The following ESRRG variants were observed in gnomAD, a reference collection of about 807,000 sequenced individuals.
ESRRG encodes the protein estrogen-related receptor gamma.
Under a neutral mutation model 44.0 loss-of-function variants are expected in ESRRG, and 13 were observed. That is an observed-to-expected ratio of 0.30 (90% CI 0.19 to 0.47). The LOEUF (loss-of-function observed/expected upper bound fraction) is 0.47, where lower values mean the gene tolerates loss of function less well. Among genes scored for constraint, ESRRG ranks in the 20% least tolerant of loss-of-function variants. The pLI is 1.00. For synonymous variants in ESRRG, 215 were observed against 214.6 expected, an observed-to-expected ratio of 1.00 and a Z score of -0.02; for missense variants, 395 against 580.6, an observed-to-expected ratio of 0.68 and a Z score of 3.29.
chr1:216,917,509 G>T (rs1204561640), intron 2 of ESRRG, among the ~76,000 whole-genome samples: 1 of 152,282 alleles, frequency 6.6e-6, no homozygotes, highest in Non-Finnish European at 1.5e-5. Flanking sequence ...AATGTGATGT[G>T]GTTAGCACAG....
chr1:217,038,220 G>T (rs2151096589), intron 1 of ESRRG, among the ~76,000 whole-genome samples: 2 of 152,334 alleles, frequency 1.3e-5, no homozygotes, highest in South Asian at 4.1e-4. Flanking sequence ...CTTTGTCATT[G>T]CCCTAGCAGA....
At chr1:217,137,493 C>G (rs563234827) in intron 1 of ESRRG, among the ~76,000 whole-genome samples, 1 of 152,214 alleles carries the variant, frequency 6.6e-6, no homozygotes, top group Non-Finnish European at 1.5e-5. Flanking sequence ...GCCTGGGGCT[C>G]GAGAGCTGAC....
chr1:217,134,116 C>T (rs950157602), intron 1 of ESRRG, among the ~76,000 whole-genome samples: 1 of 152,138 alleles, frequency 6.6e-6, no homozygotes, highest in African/African-American at 2.4e-5. Flanking sequence ...CCTGTCTGAA[C>T]CAGACTGCTG....
intron 1 of ESRRG, among the ~76,000 whole-genome samples, chr1:217,030,330 G>A (rs569774963): frequency 2.0e-5 from 3 of 152,066 alleles, no homozygotes; most frequent in Admixed American, 6.6e-5. Flanking sequence ...ACTGAGCCAC[G>A]CATGGGATAA....
chr1:216,873,454 C>T (rs2096288983), intron 2 of ESRRG, among the ~76,000 whole-genome samples: 1 of 151,914 alleles, frequency 6.6e-6, no homozygotes, highest in South Asian at 2.1e-4. Context: ...TCAGGTGATC[C>T]ACCTGCCTCA....
intron 2 of ESRRG, among the ~76,000 whole-genome samples, chr1:216,753,083 T>G (rs2092176425): frequency 6.6e-6 from 1 of 151,986 alleles, no homozygotes; most frequent in Admixed American, 6.6e-5. Context: ...AAATAATATG[T>G]GTGGCTTTGC....
chr1:216,804,602 G>T (rs1180304181), intron 2 of ESRRG, among the ~76,000 whole-genome samples: 1 of 151,680 alleles, frequency 6.6e-6, no homozygotes, highest in East Asian at 1.9e-4. Context: ...TTAACTTGTA[G>T]GAGCAATCAT....
intron 1 of ESRRG, among the ~76,000 whole-genome samples, chr1:217,107,214 A>G (rs2151578682): frequency 6.6e-6 from 1 of 152,372 alleles, no homozygotes; most frequent in Non-Finnish European, 1.5e-5. Flanking sequence ...AAAGATAAGC[A>G]AATAAGAGTA....
chr1:216,543,226 T>C (rs1199124901), intron 5 of ESRRG, among the ~76,000 whole-genome samples: 1 of 152,084 alleles, frequency 6.6e-6, no homozygotes, highest in East Asian at 1.9e-4. Context: ...ATCCATGGAA[T>C]GACACTATTT....
intron 5 of ESRRG, among the ~76,000 whole-genome samples, chr1:216,526,833 T>C (rs772091469): frequency 4.6e-5 from 7 of 152,128 alleles, no homozygotes; most frequent in African/African-American, 7.2e-5. Context: ...AGACCTAGAA[T>C]TGGGTGCCAT....
At chr1:217,086,566 T>A (rs1376859144) in intron 1 of ESRRG, among the ~76,000 whole-genome samples, 1 of 152,124 alleles carries the variant, frequency 6.6e-6, no homozygotes, top group African/African-American at 2.4e-5. Context: ...CTTAATAGAG[T>A]AGTAAGCTTA....
intron 2 of ESRRG, among the ~76,000 whole-genome samples, chr1:216,778,079 C>T (rs1262346535): frequency 6.6e-6 from 1 of 152,050 alleles, no homozygotes; most frequent in Non-Finnish European, 1.5e-5. Flanking sequence ...AATTATAAAA[C>T]AGACCAAACA....
At chr1:216,994,531 A>T (rs994798418) in intron 1 of ESRRG, among the ~76,000 whole-genome samples, 7 of 152,298 alleles carry the variant, frequency 4.6e-5, no homozygotes, top group African/African-American at 1.7e-4. Flanking sequence ...ACGGTAAAAA[A>T]GTATATATTG....
chr1:217,126,328 T>C (rs961276236), intron 1 of ESRRG, among the ~76,000 whole-genome samples: 4 of 152,166 alleles, frequency 2.6e-5, no homozygotes, highest in Non-Finnish European at 5.9e-5. Flanking sequence ...AATAAATCAA[T>C]AAATTTGCAG....
chr1:216,547,706 T>C (rs1336534595), intron 5 of ESRRG, among the ~76,000 whole-genome samples: 1 of 152,084 alleles, frequency 6.6e-6, no homozygotes, highest in African/African-American at 2.4e-5. Context: ...ATGTTTGTTT[T>C]TGTACACATT....
At chr1:216,571,441 C>G (rs187630622) in intron 3 of ESRRG, among the ~76,000 whole-genome samples, 3 of 152,148 alleles carry the variant, frequency 2.0e-5, no homozygotes, top group African/African-American at 7.2e-5. Flanking sequence ...GAAACGCCAT[C>G]TCAAAAAACA....
chr1:217,100,419 A>G (rs2092493073), intron 1 of ESRRG, among the ~76,000 whole-genome samples: 3 of 152,190 alleles, frequency 2.0e-5, no homozygotes, highest in Admixed American at 2.0e-4. Context: ...CTTTGACAGT[A>G]TCTTTTCCAA....
chr1:217,120,278 CATTTCATACCTAATCCTAGAAATATTTT>C (rs1200303860), intron 1 of ESRRG, among the ~76,000 whole-genome samples: 122 of 152,174 alleles, frequency 8.0e-4, no homozygotes, highest in African/African-American at 2.8e-3. Flanking sequence ...TATTTTATTT[CATTTCATACCTAATCCTAGAAATATTTT>C]ATTTCATACC....
At chr1:216,956,487 C>T (rs950480761) in intron 1 of ESRRG, among the ~76,000 whole-genome samples, 7 of 152,270 alleles carry the variant, frequency 4.6e-5, no homozygotes, top group African/African-American at 1.7e-4. Flanking sequence ...ATACCAGTAC[C>T]ATGCTGTTTT....
Sources: allele counts gnomAD v4.1 joint callset (sites outside exome capture counted in the v4.1 genomes callset), GRCh38; gene constraint gnomAD v4.1.1; transcripts MANE v1.5; gene names NCBI Gene and HGNC (gene_info 2026-07-23, HGNC 2026-07-21).